PI4K2A: variants seen among roughly 807,000 people sequenced by gnomAD.
The protein encoded by PI4K2A is phosphatidylinositol 4-kinase type 2 alpha.
A neutral mutation model predicts 55.0 loss-of-function variants in PI4K2A; 20 were observed. That is an observed-to-expected ratio of 0.36 (90% CI 0.26 to 0.53). The LOEUF (loss-of-function observed/expected upper bound fraction) is 0.53. PI4K2A is among the 20% of genes least tolerant of loss of function. The pLI is 0.91. For synonymous variants in PI4K2A, 235 were observed against 258.5 expected, an observed-to-expected ratio of 0.91 and a Z score of 0.87; for missense variants, 463 against 637.1, an observed-to-expected ratio of 0.73 and a Z score of 2.94.
chr10:97,644,618 A>G (rs1404658052), intron 1 of PI4K2A, among the ~76,000 whole-genome samples: 3 of 152,140 alleles, frequency 2.0e-5, no homozygotes, highest in African/African-American at 4.8e-5. Flanking sequence ...ATGGTCCAAG[A>G]TGGCCGCTCA....
intron 4 of PI4K2A, among the ~76,000 whole-genome samples, chr10:97,660,237 G>A (rs1399123366): frequency 5.4e-5 from 8 of 149,114 alleles, no homozygotes; most frequent in Admixed American, 6.7e-5. Flanking sequence ...TCCTGACCTC[G>A]TGATCTGCCC....
In PI4K2A at chr10:97,656,311, C is replaced by T. The variant is rs778583021; in HGVS notation, c.663C>T (p.Phe221=). The T allele has an allele frequency of 3.1e-6, 5 of 1,613,742 alleles. No individual in the cohort carries two copies. The highest frequency in any genetic ancestry group is 4.2e-6 in the Non-Finnish European group (5 of 1,179,644). The change falls in exon 3 of 9, where the codon TTC becomes TTT. Residue 221 remains phenylalanine (F), a synonymous_variant. Coordinates refer to ENST00000370631, the Ensembl canonical transcript of PI4K2A. This position sits in a 1 kb window ranked among gnomAD's most constrained non-coding sequence, Gnocchi z 4.5. ...TAGTATACCTGGCCAGTGAGACCTT[C>T]AACTATAGTGCCATTGACCGAGTGA... is the stretch of plus-strand genomic sequence containing the variant.
chr10:97,649,283 G>A (rs1472899650), intron 1 of PI4K2A, among the ~76,000 whole-genome samples: 1 of 152,172 alleles, frequency 6.6e-6, no homozygotes, highest in Non-Finnish European at 1.5e-5. Context: ...GGGACTGGAG[G>A]GAATTAGATG....
At chr10:97,671,504 CTT>C (rs1434259693) in intron 8 of PI4K2A, among the ~76,000 whole-genome samples, 2 of 151,912 alleles carry the variant, frequency 1.3e-5, no homozygotes, top group African/African-American at 4.8e-5. Flanking sequence ...TATAGGAACT[CTT>C]TGTACAATCT....
chr10:97,674,255 A>G (rs2041650062), exon 9 of PI4K2A: 1 of 152,676 alleles, frequency 6.5e-6, no homozygotes, highest in African/African-American at 2.4e-5. Flanking sequence ...CAACTGGATG[A>G]CTCGCAGTAC....
At chr10:97,650,853 C>A in intron 1 of PI4K2A, 88 bp from the exon 2 acceptor site, 4 of 970,246 alleles carry the variant, frequency 4.1e-6, no homozygotes, top group Non-Finnish European at 6.4e-6. Context: ...TATGCCCTGT[C>A]ATTTCTTTCC....
chr10:97,670,869 G>A (rs778994194), intron 8 of PI4K2A, among the ~76,000 whole-genome samples: 1 of 152,134 alleles, frequency 6.6e-6, no homozygotes, highest in Non-Finnish European at 1.5e-5. Flanking sequence ...CAGGCGTGGT[G>A]GCTCATGCCT....
chr10:97,644,570 C>T (rs1441312927), intron 1 of PI4K2A, among the ~76,000 whole-genome samples: 3 of 152,192 alleles, frequency 2.0e-5, no homozygotes, highest in Non-Finnish European at 4.4e-5. Context: ...TTCTTCCTGC[C>T]AGCTGATCAG....
exon 9 of PI4K2A, chr10:97,673,893 A>G: frequency 1.5e-6 from 1 of 669,294 alleles, no homozygotes; most frequent in Non-Finnish European, 2.5e-6. Flanking sequence ...CTTTCCACCC[A>G]CAGGGAGAAG....
chr10:97,642,868 T>TTCTTTCTTTCTTTCTTC (rs2041482549), intron 1 of PI4K2A, among the ~76,000 whole-genome samples: 1 of 115,716 alleles, frequency 8.6e-6, no homozygotes, highest in African/African-American at 3.8e-5. Context: ...TCTTTCTTTT[T>TTCTTTCTTTCTTTCTTC]CTTTCTTTCT....
chr10:97,650,568 C>G (rs1048701363), intron 1 of PI4K2A, among the ~76,000 whole-genome samples: 8 of 152,172 alleles, frequency 5.3e-5, no homozygotes, highest in African/African-American at 1.9e-4. Flanking sequence ...AGGCATGAAC[C>G]CTTGTACCTG....
At chr10:97,668,482 G>A (rs576993155) in intron 8 of PI4K2A, among the ~76,000 whole-genome samples, 1 of 152,200 alleles carries the variant, frequency 6.6e-6, no homozygotes, top group Admixed American at 6.5e-5. Context: ...GGAGGCTGAG[G>A]TGGAAGGATT....
At chr10:97,667,178 G>A in intron 8 of PI4K2A, 58 bp downstream of exon 8, 2 of 1,280,478 alleles carry the variant, frequency 1.6e-6, no homozygotes, top group Non-Finnish European at 2.2e-6. Flanking sequence ...TGTGTGCTCA[G>A]GTTGAGCAAA....
chr10:97,673,842 C>T, exon 9 of PI4K2A: 1 of 1,067,654 alleles, frequency 9.4e-7, no homozygotes, highest in Non-Finnish European at 1.4e-6. Flanking sequence ...AGAGCAGCAC[C>T]TTTAAGAGCC....
intron 4 of PI4K2A, among the ~76,000 whole-genome samples, chr10:97,659,021 T>A (rs1315169821): frequency 6.6e-6 from 1 of 152,220 alleles, no homozygotes; most frequent in Non-Finnish European, 1.5e-5. Flanking sequence ...ATATTTTCTC[T>A]CAATCTCTTG....
chr10:97,673,906 C>T, exon 9 of PI4K2A: 1 of 624,818 alleles, frequency 1.6e-6, no homozygotes, highest in South Asian at 2.0e-5. Flanking sequence ...GGGAGAAGCA[C>T]AATCAGGAAC....
chr10:97,676,213 A>G (rs541464810), exon 9 of PI4K2A: 2 of 152,294 alleles, frequency 1.3e-5, no homozygotes, highest in East Asian at 1.9e-4. Flanking sequence ...CAAAGTCCCA[A>G]TGCTCTGAAA....
chr10:97,666,695 C>A, intron 7 of PI4K2A, 124 bp downstream of exon 7: 1 of 795,800 alleles, frequency 1.3e-6, no homozygotes, highest in Non-Finnish European at 2.0e-6. Context: ...AGTTAGCCAA[C>A]GAATAGCAAG....
At chr10:97,650,237 T>G (rs898110921) in intron 1 of PI4K2A, among the ~76,000 whole-genome samples, 30 of 150,084 alleles carry the variant, frequency 2.0e-4, no homozygotes, top group Non-Finnish European at 4.1e-4. Context: ...CATTAGATGC[T>G]GCCAGTGACT....
Sources: allele counts gnomAD v4.1 joint callset (sites outside exome capture counted in the v4.1 genomes callset), GRCh38; gene constraint gnomAD v4.1.1; non-coding constraint Gnocchi (gnomAD v3.1); transcripts MANE v1.5; gene names NCBI Gene and HGNC (gene_info 2026-07-23, HGNC 2026-07-21).